POLR2M: variants seen among roughly 807,000 people sequenced by gnomAD.
The protein encoded by POLR2M is protein GRINL1A.
Under a neutral mutation model 34.6 loss-of-function variants are expected in POLR2M, and 30 were observed. That is an observed-to-expected ratio of 0.87 (90% confidence interval 0.65 to 1.18). POLR2M has a LOEUF of 1.18. Among genes scored for constraint, POLR2M ranks in the 50% most tolerant of loss-of-function variants. POLR2M has a pLI of 0.00. For missense variants in POLR2M, 432 were observed against 448.7 expected, an observed-to-expected ratio of 0.96 and a Z score of 0.34; for synonymous variants, 150 against 166.7, an observed-to-expected ratio of 0.90 and a Z score of 0.77.
At chr15:57,712,320 C>G (rs2040758540) in intron 3 of POLR2M, 132 bp downstream of exon 3, 2 of 1,081,434 alleles carry the variant, frequency 1.8e-6, no homozygotes, top group Non-Finnish European at 2.6e-6. Context: ...ATCTATGCCA[C>G]TAGTTTTCAG....
Position 57,706,785 on chromosome 15 carries a change from G to T in POLR2M, c.-58G>T. 1 of 1,530,654 alleles carries T rather than the reference G, an allele frequency of 6.5e-7. No individual in the cohort carries two copies. The highest frequency in any genetic ancestry group is 8.8e-7 in the Non-Finnish European group (1 of 1,132,302). 94.8% of individuals were successfully genotyped at this position (1,530,654 alleles called of 1,614,324 possible). A position where few individuals can be genotyped will look rare whatever the true frequency, so the allele number is the denominator to read the frequency against. Reference sequence around the variant, plus strand: ...GCCGTCCGCGGATCCGGCGCTAGTAGCGGGGCCTGCCGAGGAAGCCGAGTG... The same window carrying T: ...GCCGTCCGCGGATCCGGCGCTAGTATCGGGGCCTGCCGAGGAAGCCGAGTG... On this transcript the variant is annotated 5_prime_UTR_variant, in exon 1 of 4. Transcript: ENST00000299638.
At position 57,706,918 on chromosome 15, in the gene POLR2M, G is replaced by A. The variant is rs2040504387; in HGVS notation, c.76G>A (p.Glu26Lys). 9 of 1,602,714 alleles carry A rather than the reference G, an allele frequency of 5.6e-6. No homozygotes were observed. The Admixed American group carries it at 8.5e-5, about 15-fold the overall frequency. Residue 26 changes from glutamate (E) to lysine (K), a missense_variant, in exon 1 of 4, where the codon GAA (glutamate) becomes AAA (lysine). Coordinates refer to ENST00000299638, the MANE Select transcript of POLR2M (RefSeq NM_015532.5). ...GCAGCGGAGTTTGGTGGAGCTGCGG[G>A]AAATGTTGAAGCGCCAGGAGAGACT... ...LAQRSLVELR[E>K]MLKRQERLLR...
At chr15:57,707,945 T>C (rs1040470432) in intron 1 of POLR2M, among the ~76,000 whole-genome samples, 2 of 152,304 alleles carry the variant, frequency 1.3e-5, no homozygotes, top group Non-Finnish European at 2.9e-5. Context: ...ATTTTTTCTT[T>C]CCATTTATTG....
intron 2 of POLR2M, among the ~76,000 whole-genome samples, chr15:57,711,394 G>T (rs536989101): frequency 1.3e-5 from 2 of 152,284 alleles, no homozygotes; most frequent in Admixed American, 1.3e-4. Flanking sequence ...ACTCTTCATT[G>T]CAGTCTGGGC....
chr15:57,708,033 A>C (rs1275179953), intron 1 of POLR2M, among the ~76,000 whole-genome samples: 1 of 152,270 alleles, frequency 6.6e-6, no homozygotes, highest in African/African-American at 2.4e-5. Context: ...GGTTGGGATC[A>C]AGACATGTGT....
intron 1 of POLR2M, chr15:57,707,291 A>C: frequency 3.8e-6 from 3 of 780,430 alleles, no homozygotes; most frequent in East Asian, 5.4e-5. Context: ...CCCCTAACCC[A>C]TAACAGATTG....
intron 2 of POLR2M, 119 bp downstream of exon 2, chr15:57,709,477 G>A (rs144371129): frequency 4.1e-6 from 5 of 1,225,008 alleles, no homozygotes; most frequent in South Asian, 1.5e-5. Context: ...AGGAGGCTGA[G>A]GTGGGAAGAC....
Position 57,716,759 on chromosome 15 carries a change from T to C in POLR2M, c.*2080T>C, listed in dbSNP as rs1399231269. 1 of 152,268 alleles carries C rather than the reference T, an allele frequency of 6.6e-6. No homozygotes were observed. The highest frequency in any genetic ancestry group is 2.4e-5 in the African/African-American group (1 of 41,476). 9.4% of individuals were successfully genotyped at this position (152,268 alleles called of 1,614,324 possible). On this transcript the variant is annotated 3_prime_UTR_variant, in exon 4 of 4. Coordinates refer to ENST00000299638, the MANE Select transcript of POLR2M (RefSeq NM_015532.5). The stretch of plus-strand genomic sequence containing the variant: ...TTAAGAATGTCCGTCCTTTGTCATA[T>C]ATTGTAACTTTTTTTAGCCTTATTT...
In POLR2M at chr15:57,706,856, C is replaced by T; in HGVS notation, c.14C>T (p.Pro5Leu). Reference protein sequence around the residue: MCSLPRGFEPQAPED... With the variant: MCSLLRGFEPQAPED... ...AGCCCGCGCAGAATGTGCTCGCTGC[C>T]CCGCGGCTTCGAGCCCCAAGCTCCC... The change falls in exon 1 of 4, where the codon CCC becomes CTC. Residue 5 changes from proline to leucine, a missense_variant. Coordinates refer to ENST00000299638, the MANE Select transcript of POLR2M (RefSeq NM_015532.5). 6.4e-7 allele frequency: 1 copy of T among 1,573,978 alleles called. No homozygotes were observed. The highest frequency in any genetic ancestry group is 8.6e-7 in the Non-Finnish European group (1 of 1,159,034).
At position 57,716,624 on chromosome 15, in the gene POLR2M, T is replaced by G. The variant is rs1244603298; in HGVS notation, c.*1945T>G. 1 of 152,282 alleles carries G rather than the reference T, an allele frequency of 6.6e-6. No homozygotes were observed. Among genetic ancestry groups the G allele is most frequent in the African/African-American group, 2.4e-5 (1 of 41,484 alleles). The allele number at this position is 152,282 out of a possible 1,614,324, so 9.4% of individuals were successfully genotyped here. A position where few individuals can be genotyped will look rare whatever the true frequency, so the allele number is the denominator to read the frequency against. On this transcript the variant is annotated 3_prime_UTR_variant, in exon 4 of 4. Transcript: ENST00000299638. The stretch of plus-strand genomic sequence containing the variant: ...TTTTCTTACTTAGTGAAGGTTGTGT[T>G]TTTTTTCATATTCATTGGCCATGCT...
chr15:57,717,018 A>G lies in POLR2M; in HGVS notation c.*2339A>G, dbSNP rs1292272367. On this transcript the variant is annotated 3_prime_UTR_variant, in exon 4 of 4. Coordinates refer to ENST00000299638, the MANE Select transcript of POLR2M (RefSeq NM_015532.5). ...GGGGTGAAAAGGAAATTTTTAATCC[A>G]TCTCAAATGTATTTGGTTATATTAT... 1 of 152,202 alleles carries G rather than the reference A, an allele frequency of 6.6e-6. No homozygotes were observed. The highest frequency in any genetic ancestry group is 6.5e-5 in the Admixed American group (1 of 15,278). 9.4% of individuals were successfully genotyped at this position (152,202 alleles called of 1,614,324 possible). A position where few individuals can be genotyped will look rare whatever the true frequency, so the allele number is the denominator to read the frequency against.
In POLR2M at chr15:57,715,880, A is replaced by G. The variant is rs1309117489; in HGVS notation, c.*1201A>G. 6.6e-6 allele frequency: 1 copy of G among 152,270 alleles called. No individual in the cohort carries two copies. Among genetic ancestry groups the G allele is most frequent in the Non-Finnish European group, 1.5e-5 (1 of 68,044 alleles). The allele number at this position is 152,270 out of a possible 1,614,324, so 9.4% of individuals were successfully genotyped here. A position where few individuals can be genotyped will look rare whatever the true frequency, so the allele number is the denominator to read the frequency against. On this transcript the variant is annotated 3_prime_UTR_variant, in exon 4 of 4. Coordinates refer to ENST00000299638, the MANE Select transcript of POLR2M (RefSeq NM_015532.5). ...TTTCCTTTCGAAAAAGACTGTTCAC[A>G]TTTGCTTCCAGGTGTAATTATTGCT...
chr15:57,709,474 T>C, intron 2 of POLR2M, 116 bp downstream of exon 2: 1 of 1,260,450 alleles, frequency 7.9e-7, no homozygotes, highest in Non-Finnish European at 1.1e-6. Flanking sequence ...CTCAGGAGGC[T>C]GAGGTGGGAA....
chr15:57,717,084 T>G lies in POLR2M; in HGVS notation c.*2405T>G, dbSNP rs2040976185. The G allele has an allele frequency of 6.6e-6, 1 of 152,178 alleles. No homozygotes were observed. 9.4% of individuals were successfully genotyped at this position (152,178 alleles called of 1,614,324 possible). The stretch of plus-strand genomic sequence containing the variant: ...GATTTTATTTCGAAGAATTTACCAA[T>G]TGGTTCAGTATGTGAAACCACCATT... On this transcript the variant is annotated 3_prime_UTR_variant, in exon 4 of 4. Transcript: ENST00000299638.
intron 1 of POLR2M, 97 bp from the exon 2 acceptor site, chr15:57,708,617 C>T: frequency 1.7e-6 from 2 of 1,161,398 alleles, no homozygotes; most frequent in Non-Finnish European, 2.4e-6. Context: ...TAAAAATCAG[C>T]TTTTCTTTCT....
chr15:57,707,815 C>G (rs187404135), intron 1 of POLR2M, among the ~76,000 whole-genome samples: 1 of 152,216 alleles, frequency 6.6e-6, no homozygotes, highest in East Asian at 1.9e-4. Context: ...TCATGAGGCT[C>G]AAGAAAGAGA....
At chr15:57,709,392 A>T (rs368865400) in intron 2 of POLR2M, 34 bp downstream of exon 2, 22 of 1,573,060 alleles carry the variant, frequency 1.4e-5, no homozygotes, top group Middle Eastern at 1.7e-4. Flanking sequence ...TGTAACAGGA[A>T]CGTGATATTT....
chr15:57,712,598 C>T (rs1595987225), intron 3 of POLR2M, among the ~76,000 whole-genome samples: 1 of 152,282 alleles, frequency 6.6e-6, no homozygotes, highest in Admixed American at 6.5e-5. Context: ...CCCAGGCTTC[C>T]ATCTTCTGCA....
chr15:57,712,223 G>A, intron 3 of POLR2M, 35 bp downstream of exon 3: 3 of 1,610,774 alleles, frequency 1.9e-6, no homozygotes, highest in Non-Finnish European at 2.5e-6. Flanking sequence ...TCTGTTTGTT[G>A]GGTGCTGCTT....
Sources: gnomAD v4.1 joint callset for allele counts (sites outside exome capture counted in the v4.1 genomes callset) on GRCh38, gnomAD v4.1.1 for gene constraint, MANE v1.5 for transcripts, NCBI Gene and HGNC (gene_info 2026-07-23, HGNC 2026-07-21) for gene names.